Variants in OLFML2A observed in about 807,000 individuals in gnomAD.
OLFML2A encodes olfactomedin-like protein 2A.
A neutral mutation model predicts 60.9 loss-of-function variants in OLFML2A; 47 were observed. The ratio of observed to expected loss-of-function variants is 0.77; its 90% CI spans 0.61 to 0.98. The LOEUF (loss-of-function observed/expected upper bound fraction) is 0.98, where lower values mean the gene tolerates loss of function less well. Ranked by LOEUF, OLFML2A falls within the 50% of genes least tolerant of loss-of-function variation. The pLI, the probability that OLFML2A is intolerant of heterozygous loss-of-function variation, is 0.00. For missense variants in OLFML2A, 922 were observed against 879.8 expected (o/e 1.05, Z -0.61); for synonymous variants, 372 against 375.0 (o/e 0.99, Z 0.09).
chr9:124,807,896 G>A lies in OLFML2A; in HGVS notation c.1284G>A (p.Arg428=), dbSNP rs774555462. ...AGGACCCTGCAGCTCGAGACGACAG[G>A]ATCTATGTCACCAACTACTACTATG... is the stretch of plus-strand genomic sequence containing the variant. ...WMKDPAARDD[R]IYVTNYYYGN... is the part of the protein sequence containing the mutation. Residue 428 remains arginine (R), a synonymous_variant, in exon 7 of 8, where the codon AGG becomes AGA. Transcript: ENST00000373580. The A allele has an allele frequency of 5.6e-6, 9 of 1,614,206 alleles. No homozygotes were observed. The South Asian group carries it at 8.8e-5, about 16-fold the overall frequency.
intron 7 of OLFML2A, among the ~76,000 whole-genome samples, chr9:124,808,586 G>A (rs1588891184): frequency 6.6e-6 from 1 of 152,186 alleles, no homozygotes; most frequent in Non-Finnish European, 1.5e-5. Context: ...AGGGAGCACT[G>A]AAGGGGCTAT....
Position 124,810,031 on chromosome 9 carries a change from C to T in OLFML2A, c.1578C>T (p.Asp526=), listed in dbSNP as rs557295024. Residue 526 remains aspartate, a synonymous_variant, in exon 8 of 8, where the codon GAC becomes GAT. Transcript: ENST00000373580. The part of the protein sequence containing the change: ...RGHSDIDFAV[D]ESGLWVIYPA... ...ACTCGGACATTGACTTTGCCGTGGACGAGAGCGGCCTGTGGGTCATCTACC... is the reference window on the plus strand; with the variant it reads ...ACTCGGACATTGACTTTGCCGTGGATGAGAGCGGCCTGTGGGTCATCTACC... 20 of 1,614,022 alleles carry T rather than the reference C, an allele frequency of 1.2e-5. No homozygotes were observed. The highest frequency in any genetic ancestry group is 8.9e-5 in the East Asian group (4 of 44,878).
intron 1 of OLFML2A, 117 bp from the exon 2 acceptor site, chr9:124,786,858 C>T: frequency 9.8e-7 from 1 of 1,018,644 alleles, no homozygotes; most frequent in Non-Finnish European, 1.5e-6. Context: ...TCCTACCTGC[C>T]AAACACTCTC....
chr9:124,798,915 A>C (rs757500480), intron 3 of OLFML2A, among the ~76,000 whole-genome samples: 1 of 152,184 alleles, frequency 6.6e-6, no homozygotes, highest in African/African-American at 2.4e-5. Context: ...ATATGTGTGT[A>C]TGTATACATG....
chr9:124,786,366 T>G (rs1588879184), intron 1 of OLFML2A, among the ~76,000 whole-genome samples: 1 of 151,554 alleles, frequency 6.6e-6, no homozygotes, highest in African/African-American at 2.4e-5. Context: ...AAGGCTGCAG[T>G]GAGCCATGAT....
Position 124,777,324 on chromosome 9 carries a change from G to C in OLFML2A, c.54G>C (p.Leu18=), listed in dbSNP as rs913303320. The change falls in exon 1 of 8, where the codon CTG becomes CTC. Residue 18 remains leucine, a synonymous_variant. Coordinates refer to ENST00000373580, the MANE Select transcript of OLFML2A (RefSeq NM_182487.4). This position sits in a 1 kb window ranked among gnomAD's most constrained non-coding sequence, Gnocchi z 6.2. ...PRPLLLLPLV[L]LLSGRPTRAD... ...CGCTGCTCCTTCTGCCGCTAGTGCT[G>C]CTGCTGAGCGGCCGCCCCACGCGCG... 1.8e-5 allele frequency: 23 copies of C among 1,295,162 alleles called. No individual in the cohort carries two copies. Among genetic ancestry groups the C allele is most frequent in the Non-Finnish European group, 2.3e-5 (23 of 1,016,342 alleles). 80.2% of individuals were successfully genotyped at this position (1,295,162 alleles called of 1,614,324 possible).
chr9:124,784,404 A>G (rs964103804), intron 1 of OLFML2A, among the ~76,000 whole-genome samples: 4 of 152,026 alleles, frequency 2.6e-5, no homozygotes, highest in African/African-American at 7.2e-5. Context: ...GGGTTTCACC[A>G]TGTTGGCCAG....
intron 5 of OLFML2A, among the ~76,000 whole-genome samples, chr9:124,802,266 C>T (rs1404246669): frequency 6.6e-6 from 1 of 152,212 alleles, no homozygotes; most frequent in African/African-American, 2.4e-5. Flanking sequence ...ATTTCTGAGC[C>T]ATCTCTACGG....
At chr9:124,801,101 CAGG>C in intron 4 of OLFML2A, 1 of 1,526,668 alleles carries the variant, frequency 6.6e-7, no homozygotes, top group Non-Finnish European at 8.9e-7. Context: ...GGCTGCCTCC[CAGG>C]GAGCTGGTCC....
chr9:124,799,626 A>G, intron 4 of OLFML2A, 135 bp downstream of exon 4: 2 of 711,806 alleles, frequency 2.8e-6, no homozygotes, highest in Non-Finnish European at 4.7e-6. Context: ...GCACAGCCAG[A>G]GAGTCCCTGG....
chr9:124,794,097 G>A (rs118048867), intron 2 of OLFML2A, among the ~76,000 whole-genome samples: 1,725 of 152,312 alleles, frequency 0.011, 29 homozygotes, highest in Non-Finnish European at 0.014. Flanking sequence ...GAGACGCAGG[G>A]TGGGGAGAAG....
At chr9:124,792,937 G>A (rs1004689407) in intron 2 of OLFML2A, among the ~76,000 whole-genome samples, 5 of 152,170 alleles carry the variant, frequency 3.3e-5, no homozygotes, top group Non-Finnish European at 7.3e-5. Flanking sequence ...CGGGGCCAAA[G>A]CCAGGTTGTG....
intron 6 of OLFML2A, among the ~76,000 whole-genome samples, chr9:124,807,496 TG>T (rs1841920015): frequency 2.0e-5 from 3 of 152,138 alleles, no homozygotes; most frequent in Non-Finnish European, 4.4e-5. Context: ...TTGCCCGGGC[TG>T]GTCTTGAACT....
chr9:124,802,768 G>A (rs1272443922), intron 5 of OLFML2A, among the ~76,000 whole-genome samples: 1 of 152,244 alleles, frequency 6.6e-6, no homozygotes, highest in East Asian at 1.9e-4. Flanking sequence ...CAAAGAGGAA[G>A]CCCAAAATGG....
Position 124,809,954 on chromosome 9 carries a change from C to T in OLFML2A, c.1501C>T (p.Leu501=). The change falls in exon 8 of 8, where the codon CTG becomes TTG. Residue 501 remains leucine (L), a synonymous_variant. Transcript: ENST00000373580. ...LRQRFVASWA[L]LPDVVYEDTT... Reference sequence around the variant, plus strand: ...GCAGCGCTTCGTGGCCTCCTGGGCGCTGCTGCCCGACGTGGTATATGAGGA... The same window carrying T: ...GCAGCGCTTCGTGGCCTCCTGGGCGTTGCTGCCCGACGTGGTATATGAGGA... 1 of 1,614,192 alleles carries T rather than the reference C, an allele frequency of 6.2e-7. No individual in the cohort carries two copies. The highest frequency in any genetic ancestry group is 8.5e-7 in the Non-Finnish European group (1 of 1,180,030).
intron 1 of OLFML2A, among the ~76,000 whole-genome samples, chr9:124,778,633 AAAAATT>A (rs1301262698): frequency 1.3e-5 from 2 of 151,938 alleles, no homozygotes; most frequent in African/African-American, 4.8e-5. Flanking sequence ...TAAAAAAAAA[AAAAATT>A]AAATTAAATT....
rs748323455 is a variant in OLFML2A at position 124,804,077 on chromosome 9, G to A, written c.920-17G>A. 2 of 1,612,554 alleles carry A rather than the reference G, an allele frequency of 1.2e-6. No homozygotes were observed. Among genetic ancestry groups the A allele is most frequent in the East Asian group, 2.2e-5 (1 of 44,874 alleles). On this transcript the variant is annotated splice_polypyrimidine_tract_variant and intron_variant, in intron 5 of 7. Transcript: ENST00000373580. ...AGGTGGTGCTGAGATTTGAGCACAG[G>A]GGTCTTCTCTCTGCAGACAACACCC...
At chr9:124,782,585 G>T (rs1224213058) in intron 1 of OLFML2A, among the ~76,000 whole-genome samples, 1 of 152,194 alleles carries the variant, frequency 6.6e-6, no homozygotes, top group Admixed American at 6.5e-5. Flanking sequence ...TGGGACTTAA[G>T]CCCAGGTCTG....
intron 3 of OLFML2A, among the ~76,000 whole-genome samples, chr9:124,797,772 T>C (rs898740011): frequency 2.6e-5 from 4 of 152,126 alleles, no homozygotes; most frequent in Non-Finnish European, 5.9e-5. Context: ...TCCTCTCCAG[T>C]GAACAAGGCC....
Sources: allele counts gnomAD v4.1 joint callset (sites outside exome capture counted in the v4.1 genomes callset), GRCh38; gene constraint gnomAD v4.1.1; non-coding constraint Gnocchi (gnomAD v3.1); transcripts MANE v1.5; gene names NCBI Gene and HGNC (gene_info 2026-07-23, HGNC 2026-07-21).